RBM8A: variants seen among roughly 807,000 people sequenced by gnomAD.
RBM8A encodes RNA binding motif protein 8A.
A neutral mutation model predicts 25.1 loss-of-function variants in RBM8A; 8 were observed. The observed-to-expected ratio is 0.32, with a 90% CI of 0.19 to 0.58. The LOEUF is 0.58. Ranked by LOEUF, RBM8A falls within the 20% of genes least tolerant of loss-of-function variation. The pLI is 0.88. For missense variants in RBM8A, 114 were observed against 236.8 expected (o/e 0.48, Z 3.40); for synonymous variants, 66 against 80.0 (o/e 0.82, Z 0.94).
chr1:145,926,274 C>A, intron 4 of RBM8A, 97 bp from the exon 5 acceptor site: 1 of 1,522,572 alleles, frequency 6.6e-7, no homozygotes, highest in Middle Eastern at 1.9e-4. Flanking sequence ...AAAATCTACA[C>A]ACTTTAAACA....
Position 145,923,903 on chromosome 1 carries a change from G to A in RBM8A, c.*1979C>T, listed in dbSNP as rs1328892178. On this transcript the variant is annotated 3_prime_UTR_variant, in exon 6 of 6. Transcript: ENST00000583313. ...AGCGCAATGTTAGAATAGTACTTGA[G>A]AAAGCAGGATTGTTTTAAGTTCCAA... The A allele has an allele frequency of 1.7e-6, 1 of 586,256 alleles. No individual in the cohort carries two copies. Among genetic ancestry groups the A allele is most frequent in the East Asian group, 2.8e-5 (1 of 36,196 alleles). The allele number at this position is 586,256 out of a possible 1,614,324, so 36.3% of individuals were successfully genotyped here.
In RBM8A at chr1:145,922,939, T is replaced by C. The variant is rs1330576485; in HGVS notation, c.*2943A>G. On this transcript the variant is annotated 3_prime_UTR_variant, in exon 6 of 6. Transcript: ENST00000583313. Reference sequence around the variant, plus strand: ...GCTTTGATTATTATTTTTTTTTTTTTTGGAGACAGTCTTACTCTGTCGCCC... The same window carrying C: ...GCTTTGATTATTATTTTTTTTTTTTCTGGAGACAGTCTTACTCTGTCGCCC... 6.6e-6 allele frequency: 1 copy of C among 151,404 alleles called. No individual in the cohort carries two copies. The highest frequency in any genetic ancestry group is 2.4e-5 in the African/African-American group (1 of 40,900). 9.4% of individuals were successfully genotyped at this position (151,404 alleles called of 1,614,324 possible). A position where few individuals can be genotyped will look rare whatever the true frequency, so the allele number is the denominator to read the frequency against.
rs1648059038 is a variant in RBM8A at position 145,924,901 on chromosome 1, T to C, written c.*981A>G. On this transcript the variant is annotated 3_prime_UTR_variant, in exon 6 of 6. Transcript: ENST00000583313. ...GGCCCTGAGACTGGCCCTGCTTATC[T>C]TGCTGACCTTCATCCTCTGCTGGAC... 3.2e-6 allele frequency: 1 copy of C among 309,178 alleles called. No individual in the cohort carries two copies. Among genetic ancestry groups the C allele is most frequent in the Non-Finnish European group, 6.1e-6 (1 of 163,920 alleles). The allele number at this position is 309,178 out of a possible 1,614,324, so 19.2% of individuals were successfully genotyped here. A position where few individuals can be genotyped will look rare whatever the true frequency, so the allele number is the denominator to read the frequency against.
At position 145,922,335 on chromosome 1, in the gene RBM8A, A is replaced by C. The variant is rs1647831014; in HGVS notation, c.*3547T>G. ...TGTTGCTACAGTGCCATTTACAATT[A>C]GGTTTGTTTATATGAAGCAAATTTT... On this transcript the variant is annotated 3_prime_UTR_variant, in exon 6 of 6. Coordinates refer to ENST00000583313, the MANE Select transcript of RBM8A (RefSeq NM_005105.5). The C allele has an allele frequency of 6.6e-6, 1 of 152,230 alleles. No individual in the cohort carries two copies. The allele number at this position is 152,230 out of a possible 1,614,324, so 9.4% of individuals were successfully genotyped here.
In RBM8A at chr1:145,926,811, C is replaced by A. The variant is rs1648185585; in HGVS notation, c.203G>T (p.Arg68Leu). The change falls in exon 3 of 6, where the codon CGC (arginine) becomes CTC (leucine). Residue 68 changes from arginine (R) to leucine (L), a missense_variant and splice_region_variant. By Grantham distance (102) the Arg-to-Leu change is moderately radical. This residue lies in a region of RBM8A where 102 missense variants were observed against 182.7 expected (regional missense o/e 0.56). Transcript: ENST00000583313. Reference protein sequence around the residue: ...EQDGDEPGPQRSVEGWILFVT... With the variant: ...EQDGDEPGPQLSVEGWILFVT... ...TCACAGGTTCCATTATTACTCACAG[C>A]GTTGTGGTCCGGGTTCATCGCCATC... The A allele has an allele frequency of 6.2e-7, 1 of 1,614,044 alleles. No individual in the cohort carries two copies. The highest frequency in any genetic ancestry group is 1.3e-5 in the African/African-American group (1 of 74,908).
chr1:145,926,325 T>C, intron 4 of RBM8A, 148 bp from the exon 5 acceptor site: 1 of 1,427,654 alleles, frequency 7.0e-7, no homozygotes, highest in Non-Finnish European at 9.6e-7. Flanking sequence ...ATATACATCA[T>C]CTCCGTTTCT....
Position 145,927,353 on chromosome 1 carries a change from T to C in RBM8A, c.67+7A>G, listed in dbSNP as rs1200834758. On this transcript the variant is annotated splice_region_variant and intron_variant, in intron 1 of 5. Transcript: ENST00000583313. ...CGCTTCCCACCAGCCGTCTCCACTGTCCTCACCGTCCCCATCCTCATCCAT... is the reference window on the plus strand; with the variant it reads ...CGCTTCCCACCAGCCGTCTCCACTGCCCTCACCGTCCCCATCCTCATCCAT... The C allele has an allele frequency of 1.2e-5, 20 of 1,611,826 alleles. No homozygotes were observed. The highest frequency in any genetic ancestry group is 1.7e-5 in the Non-Finnish European group (20 of 1,179,114).
Position 145,923,730 on chromosome 1 carries a change from G to A in RBM8A, c.*2152C>T, listed in dbSNP as rs1463010809. 1 of 476,920 alleles carries A rather than the reference G, an allele frequency of 2.1e-6. No individual in the cohort carries two copies. Among genetic ancestry groups the A allele is most frequent in the Non-Finnish European group, 3.7e-6 (1 of 271,190 alleles). 29.5% of individuals were successfully genotyped at this position (476,920 alleles called of 1,614,324 possible). On this transcript the variant is annotated 3_prime_UTR_variant, in exon 6 of 6. Transcript: ENST00000583313. ...GCACATAAGACTATTACTACTAAAG[G>A]TCACTTCAGAGTCCCTGCAAAATGG...
In RBM8A at chr1:145,924,422, T is replaced by G; in HGVS notation, c.*1460A>C. On this transcript the variant is annotated 3_prime_UTR_variant, in exon 6 of 6. Transcript: ENST00000583313. ...AACCCTAGACCTGTTGCCTCTAGCA[T>G]CATTTATTTATCTACCTACCTAATA... is the stretch of plus-strand genomic sequence containing the variant. 2.2e-6 allele frequency: 1 copy of G among 460,368 alleles called. No homozygotes were observed. The highest frequency in any genetic ancestry group is 1.6e-5 in the South Asian group (1 of 64,226). The allele number at this position is 460,368 out of a possible 1,614,324, so 28.5% of individuals were successfully genotyped here. A position where few individuals can be genotyped will look rare whatever the true frequency, so the allele number is the denominator to read the frequency against.
chr1:145,924,504 C>A lies in RBM8A; in HGVS notation c.*1378G>T, dbSNP rs1422501997. ...TTCTAACCATGTCTAGCACCTGATG[C>A]TAGAGATAATTTTGTTGAATCCCTT... is the stretch of plus-strand genomic sequence containing the variant. On this transcript the variant is annotated 3_prime_UTR_variant, in exon 6 of 6. Coordinates refer to ENST00000583313, the MANE Select transcript of RBM8A (RefSeq NM_005105.5). 5.3e-6 allele frequency: 2 copies of A among 378,494 alleles called. No homozygotes were observed. Among genetic ancestry groups the A allele is most frequent in the Middle Eastern group, 9.7e-4 (1 of 1,028 alleles). 23.4% of individuals were successfully genotyped at this position (378,494 alleles called of 1,614,324 possible).
chr1:145,926,654 G>T, intron 3 of RBM8A, 36 bp from the exon 4 acceptor site: 2 of 1,613,246 alleles, frequency 1.2e-6, no homozygotes, highest in South Asian at 1.1e-5. Flanking sequence ...ATGAGTACAT[G>T]AGAGACACTT....
At chr1:145,926,302 A>G in intron 4 of RBM8A, 125 bp from the exon 5 acceptor site, 1 of 1,451,014 alleles carries the variant, frequency 6.9e-7, no homozygotes, top group Non-Finnish European at 9.5e-7. Flanking sequence ...TACATCATAT[A>G]TCTCTACTGT....
chr1:145,926,745 T>G, intron 3 of RBM8A, 64 bp downstream of exon 3: 2 of 1,613,976 alleles, frequency 1.2e-6, no homozygotes, highest in Non-Finnish European at 1.7e-6. Context: ...TGCGTTTAAC[T>G]ATTTTATTGG....
Position 145,923,715 on chromosome 1 carries a change from CTA to C in RBM8A, c.*2165_*2166del. The C allele has an allele frequency of 2.2e-6, 1 of 458,620 alleles. No homozygotes were observed. Among genetic ancestry groups the C allele is most frequent in the Admixed American group, 3.7e-5 (1 of 26,966 alleles). 28.4% of individuals were successfully genotyped at this position (458,620 alleles called of 1,614,324 possible). On this transcript the variant is annotated 3_prime_UTR_variant, in exon 6 of 6. Transcript: ENST00000583313. ...ACCATTATAGTTACTGCACATAAGA[CTA>C]TTACTACTAAAGGTCACTTCAGAGT...
Position 145,925,417 on chromosome 1 carries a change from T to G in RBM8A, c.*465A>C. 1 of 364,458 alleles carries G rather than the reference T, an allele frequency of 2.7e-6. No homozygotes were observed. The highest frequency in any genetic ancestry group is 5.4e-6 in the Non-Finnish European group (1 of 185,588). 22.6% of individuals were successfully genotyped at this position (364,458 alleles called of 1,614,324 possible). Reference sequence around the variant, plus strand: ...TAGAAACTCACATAACTAGCCCAGGTAACACAGCAAGACCCCATCTCTACA... The same window carrying G: ...TAGAAACTCACATAACTAGCCCAGGGAACACAGCAAGACCCCATCTCTACA... On this transcript the variant is annotated 3_prime_UTR_variant, in exon 6 of 6. Coordinates refer to ENST00000583313, the MANE Select transcript of RBM8A (RefSeq NM_005105.5).
chr1:145,926,374 G>T, intron 4 of RBM8A, 108 bp downstream of exon 4: 1 of 1,505,666 alleles, frequency 6.6e-7, no homozygotes, highest in African/African-American at 1.4e-5. Context: ...GATTTCCAAT[G>T]TCATTTTATT....
Position 145,925,260 on chromosome 1 carries a change from T to C in RBM8A, c.*622A>G, listed in dbSNP as rs1241263412. 1 of 255,690 alleles carries C rather than the reference T, an allele frequency of 3.9e-6. No individual in the cohort carries two copies. The highest frequency in any genetic ancestry group is 3.4e-5 in the African/African-American group (1 of 29,680). 15.8% of individuals were successfully genotyped at this position (255,690 alleles called of 1,614,324 possible). A position where few individuals can be genotyped will look rare whatever the true frequency, so the allele number is the denominator to read the frequency against. The stretch of plus-strand genomic sequence containing the variant: ...CCTAACAGAGTATGTAGGAACAGAA[T>C]AGTAAGTCTTTAGTGCCATAAGATC... On this transcript the variant is annotated 3_prime_UTR_variant, in exon 6 of 6. Transcript: ENST00000583313.
intron 1 of RBM8A, 135 bp downstream of exon 1, chr1:145,927,225 C>G: frequency 7.0e-7 from 1 of 1,433,526 alleles, no homozygotes; most frequent in Non-Finnish European, 9.6e-7. Flanking sequence ...CTGAAGGGGG[C>G]GGAATCTCTA....
chr1:145,927,250 C>A (rs181437243), intron 1 of RBM8A, 110 bp downstream of exon 1: 1 of 1,464,418 alleles, frequency 6.8e-7, no homozygotes, highest in South Asian at 1.2e-5. Context: ...ACCCAAGACC[C>A]GGTTCCTCGA....
Sources: gnomAD v4.1 joint callset for allele counts on GRCh38, gnomAD v4.1.1 for gene constraint, gnomAD v4.1.1 regional missense constraint, MANE v1.5 for transcripts, NCBI Gene and HGNC (gene_info 2026-07-23, HGNC 2026-07-21) for gene names.